CDH22: variants seen among roughly 807,000 people sequenced by gnomAD.
The protein encoded by CDH22 is cadherin-22.
CDH22 carries 30 observed loss-of-function variants against 58.4 expected under a neutral mutation model. The observed-to-expected ratio is 0.51, with a 90% CI of 0.38 to 0.70. The LOEUF is 0.70. Ranked by LOEUF, CDH22 falls within the 30% of genes least tolerant of loss-of-function variation. The pLI is 0.00. For synonymous variants in CDH22, 513 were observed against 558.2 expected, an observed-to-expected ratio of 0.92 and a Z score of 1.14; for missense variants, 1,014 against 1,233.9, an observed-to-expected ratio of 0.82 and a Z score of 2.67.
intron 8 of CDH22, among the ~76,000 whole-genome samples, chr20:46,188,735 C>A (rs2085843688): frequency 6.6e-6 from 1 of 152,178 alleles, no homozygotes; most frequent in Non-Finnish European, 1.5e-5. Context: ...AATGTTGGTG[C>A]TTTCTAACCC....
chr20:46,234,506 T>C (rs972003013), intron 3 of CDH22, among the ~76,000 whole-genome samples: 53 of 152,246 alleles, frequency 3.5e-4, no homozygotes, highest in African/African-American at 1.2e-3. Context: ...ATAGCTCTTA[T>C]TTAGTGAATA....
chr20:46,232,016 G>C (rs1034616744), intron 3 of CDH22, among the ~76,000 whole-genome samples: 2 of 152,148 alleles, frequency 1.3e-5, no homozygotes, highest in Non-Finnish European at 2.9e-5. Flanking sequence ...GAGGCACCTG[G>C]GGCTGTGCCT....
intron 4 of CDH22, among the ~76,000 whole-genome samples, chr20:46,218,107 A>G (rs2086099058): frequency 1.3e-5 from 2 of 152,110 alleles, no homozygotes; most frequent in Admixed American, 1.3e-4. Flanking sequence ...CATTTTTAGT[A>G]GAGACAGGGT....
intron 7 of CDH22, among the ~76,000 whole-genome samples, chr20:46,204,417 AAG>A (rs1251262818): frequency 0.011 from 1,240 of 113,812 alleles, 33 homozygotes; most frequent in African/African-American, 0.031. Context: ...AAAAAAAAAA[AAG>A]AGAGAGAGAC....
intron 4 of CDH22, 106 bp from the exon 5 acceptor site, chr20:46,217,099 A>G: frequency 8.7e-7 from 1 of 1,154,684 alleles, no homozygotes; most frequent in Non-Finnish European, 1.2e-6. Flanking sequence ...TGGGAAAATT[A>G]AGCTCAGGAG....
At chr20:46,240,292 A>G (rs539708232) in intron 3 of CDH22, among the ~76,000 whole-genome samples, 4 of 152,044 alleles carry the variant, frequency 2.6e-5, no homozygotes, top group South Asian at 2.1e-4. Context: ...CAGAAGCACT[A>G]TCTGCGTAAG....
chr20:46,240,567 G>GA (rs1252125648), intron 3 of CDH22, among the ~76,000 whole-genome samples: 1 of 152,142 alleles, frequency 6.6e-6, no homozygotes, highest in Non-Finnish European at 1.5e-5. Context: ...CTGTGTAGGG[G>GA]ACTGGATCTA....
chr20:46,305,132 C>CA (rs1179244431), intron 1 of CDH22, among the ~76,000 whole-genome samples: 1 of 152,232 alleles, frequency 6.6e-6, no homozygotes, highest in Non-Finnish European at 1.5e-5. Context: ...TCCCTCCTGC[C>CA]AGATACACAG....
intron 7 of CDH22, chr20:46,209,996 G>C (rs1294498982): frequency 4.3e-5 from 13 of 302,068 alleles, no homozygotes; most frequent in Non-Finnish European, 6.1e-5. Flanking sequence ...AGCCAGTGTG[G>C]CTGCAGCCAG....
intron 10 of CDH22, 131 bp from the exon 11 acceptor site, chr20:46,178,328 G>A: frequency 1.0e-6 from 1 of 989,654 alleles, no homozygotes; most frequent in Non-Finnish European, 1.5e-6. Flanking sequence ...TGGACTCATG[G>A]GTCTCTTCTC....
At chr20:46,183,145 G>C (rs2085800969) in intron 10 of CDH22, among the ~76,000 whole-genome samples, 1 of 152,120 alleles carries the variant, frequency 6.6e-6, no homozygotes, top group South Asian at 2.1e-4. Context: ...GGATACTACT[G>C]GACTAATGAA....
At chr20:46,195,831 G>A (rs911797262) in intron 8 of CDH22, among the ~76,000 whole-genome samples, 3 of 152,178 alleles carry the variant, frequency 2.0e-5, no homozygotes, top group Non-Finnish European at 4.4e-5. Flanking sequence ...TAAGTGGCTC[G>A]GGAGTCTTTG....
intron 1 of CDH22, among the ~76,000 whole-genome samples, chr20:46,265,222 G>A (rs574059248): frequency 4.7e-4 from 72 of 152,200 alleles, no homozygotes; most frequent in Non-Finnish European, 9.1e-4. Flanking sequence ...GCGTCCGGAT[G>A]GGGGCAGGGC....
intron 3 of CDH22, among the ~76,000 whole-genome samples, chr20:46,229,621 A>G (rs569083130): frequency 1.3e-5 from 2 of 152,334 alleles, no homozygotes; most frequent in East Asian, 3.9e-4. Context: ...TTCCACGTCC[A>G]GCACCAAGGA....
chr20:46,252,829 G>T (rs1024467455), intron 1 of CDH22, among the ~76,000 whole-genome samples: 2 of 152,236 alleles, frequency 1.3e-5, no homozygotes, highest in African/African-American at 4.8e-5. Flanking sequence ...AAAAGTGTCT[G>T]TGTGGACAAC....
At chr20:46,201,666 G>A (rs1176083233) in intron 7 of CDH22, among the ~76,000 whole-genome samples, 2 of 152,142 alleles carry the variant, frequency 1.3e-5, no homozygotes, top group African/African-American at 4.8e-5. Flanking sequence ...GAATGCCTAT[G>A]GCAAACTATA....
chr20:46,291,566 C>T (rs112863951), intron 1 of CDH22, among the ~76,000 whole-genome samples: 6 of 152,322 alleles, frequency 3.9e-5, no homozygotes, highest in African/African-American at 7.2e-5. Flanking sequence ...CCTCTGCCGT[C>T]GACATTCATG....
At chr20:46,270,498 G>C (rs898288222) in intron 1 of CDH22, among the ~76,000 whole-genome samples, 1 of 152,070 alleles carries the variant, frequency 6.6e-6, no homozygotes, top group Non-Finnish European at 1.5e-5. Flanking sequence ...CTCCGGTCTC[G>C]GGCTGGAACA....
At chr20:46,182,784 T>A (rs1051139132) in intron 10 of CDH22, among the ~76,000 whole-genome samples, 1 of 152,228 alleles carries the variant, frequency 6.6e-6, no homozygotes, top group Non-Finnish European at 1.5e-5. Flanking sequence ...ATAAATCACG[T>A]TTCCAAACTG....
Sources: allele counts gnomAD v4.1 joint callset (sites outside exome capture counted in the v4.1 genomes callset), GRCh38; gene constraint gnomAD v4.1.1; transcripts MANE v1.5; gene names NCBI Gene and HGNC (gene_info 2026-07-23, HGNC 2026-07-21).